BABAM2: variants seen among roughly 807,000 people sequenced by gnomAD.
BABAM2 encodes BRISC and BRCA1 A complex member 2, also known as BRISC and BRCA1-A complex member 2.
In BABAM2, 31 loss-of-function variants were observed where a neutral mutation model predicts 54.7. The ratio of observed to expected loss-of-function variants is 0.57; its 90% CI spans 0.43 to 0.77. The LOEUF is 0.77. Among genes scored for constraint, BABAM2 ranks in the 30% least tolerant of loss-of-function variants. The pLI, the probability that BABAM2 is intolerant of heterozygous loss-of-function variation, is 0.00. For synonymous variants in BABAM2, 167 were observed against 162.9 expected, an observed-to-expected ratio of 1.03 and a Z score of -0.19; for missense variants, 364 against 455.8, an observed-to-expected ratio of 0.80 and a Z score of 1.83.
chr2:28,179,586 TTCACCAGTCCTGG>T, intron 7 of BABAM2, among the ~76,000 whole-genome samples: 1 of 152,262 alleles, frequency 6.6e-6, no homozygotes, highest in South Asian at 2.1e-4. Flanking sequence ...GATGCACACT[TTCACCAGTCCTGG>T]TCAACATGGT....
intron 7 of BABAM2, among the ~76,000 whole-genome samples, chr2:28,180,744 G>T (rs935681536): frequency 6.6e-6 from 1 of 152,032 alleles, no homozygotes; most frequent in African/African-American, 2.4e-5. Flanking sequence ...TCCAAAATAT[G>T]CGAGGAACTC....
At chr2:28,250,450 G>A (rs193157239) in intron 10 of BABAM2, among the ~76,000 whole-genome samples, 2 of 148,968 alleles carry the variant, frequency 1.3e-5, no homozygotes, top group Admixed American at 1.4e-4. Flanking sequence ...GTAAAATATA[G>A]CAACATTGCT....
chr2:28,132,055 G>A (rs1206951314), intron 7 of BABAM2, among the ~76,000 whole-genome samples: 2 of 151,988 alleles, frequency 1.3e-5, no homozygotes, highest in African/African-American at 2.4e-5. Context: ...AATGATTAGG[G>A]AAGGGTATAT....
intron 4 of BABAM2, among the ~76,000 whole-genome samples, chr2:28,006,198 A>G (rs1673959789): frequency 2.0e-5 from 3 of 152,120 alleles, no homozygotes; most frequent in Admixed American, 6.5e-5. Flanking sequence ...TCTGTGGTAT[A>G]GTTTAACATG....
chr2:28,046,504 T>C (rs1047766415), intron 6 of BABAM2, among the ~76,000 whole-genome samples: 2 of 151,892 alleles, frequency 1.3e-5, no homozygotes, highest in Non-Finnish European at 2.9e-5. Context: ...ACAAAAAGAT[T>C]TGGCTGGCCT....
intron 6 of BABAM2, among the ~76,000 whole-genome samples, chr2:28,110,714 T>C (rs1667929505): frequency 6.6e-6 from 1 of 152,106 alleles, no homozygotes; most frequent in Admixed American, 6.6e-5. Flanking sequence ...TATTTTGGAG[T>C]ATCTATTCAG....
At chr2:28,086,776 C>G (rs1321727637) in intron 6 of BABAM2, among the ~76,000 whole-genome samples, 2 of 152,226 alleles carry the variant, frequency 1.3e-5, no homozygotes, top group African/African-American at 4.8e-5. Context: ...CGACAGTGCT[C>G]TTAAAAATCG....
At chr2:28,091,835 A>G (rs1666183890) in intron 6 of BABAM2, among the ~76,000 whole-genome samples, 1 of 152,220 alleles carries the variant, frequency 6.6e-6, no homozygotes, top group Admixed American at 6.5e-5. Context: ...TGCATATATA[A>G]TAATTTCTTG....
intron 2 of BABAM2, among the ~76,000 whole-genome samples, chr2:27,910,088 C>T (rs1666469274): frequency 6.6e-6 from 1 of 152,186 alleles, no homozygotes; most frequent in Admixed American, 6.5e-5. Context: ...TTGTTCTTTT[C>T]TGTATCAGAA....
chr2:28,010,134 A>G (rs1674285949), intron 4 of BABAM2, among the ~76,000 whole-genome samples: 1 of 152,068 alleles, frequency 6.6e-6, no homozygotes, highest in Non-Finnish European at 1.5e-5. Context: ...TTTCTCCTTT[A>G]TGTCCTTCAA....
intron 6 of BABAM2, among the ~76,000 whole-genome samples, chr2:28,105,940 C>CT (rs376801082): frequency 0.1 from 14,673 of 141,738 alleles, 970 homozygotes; most frequent in African/African-American, 0.19. Context: ...CAGCTCCTGT[C>CT]TTTTTTTTTT....
At chr2:28,181,190 G>T (rs1266462079) in intron 7 of BABAM2, among the ~76,000 whole-genome samples, 1 of 152,138 alleles carries the variant, frequency 6.6e-6, no homozygotes. Context: ...AAAAACAATT[G>T]CAGTACTATT....
In BABAM2 at chr2:28,226,210, A is replaced by G. The variant is rs115227676; in HGVS notation, c.681-10992A>G. ...TCAGCAGGAGAGCTAAGTAGCTGCA[A>G]TACAGGCATTATGGATGCAAAGATG... On this transcript the variant is annotated intron_variant, in intron 7 of 11. Coordinates refer to ENST00000379624, the MANE Select transcript of BABAM2 (RefSeq NM_199191.3). Among the ~76,000 whole-genome samples the G allele has an allele frequency of 7.2e-3, 1,098 of 152,326 alleles. 8 individuals are homozygous for G. Among genetic ancestry groups the G allele is most frequent in the African/African-American group, 0.025 (1,042 of 41,570 alleles).
At chr2:28,125,528 G>C (rs1028820167) in intron 6 of BABAM2, among the ~76,000 whole-genome samples, 3 of 151,998 alleles carry the variant, frequency 2.0e-5, no homozygotes, top group Non-Finnish European at 2.9e-5. Flanking sequence ...CCTGACCTCA[G>C]GTAATCCACC....
At chr2:27,953,644 CAA>C (rs751089037) in intron 3 of BABAM2, among the ~76,000 whole-genome samples, 5 of 136,812 alleles carry the variant, frequency 3.7e-5, no homozygotes, top group African/African-American at 5.4e-5. Flanking sequence ...ACGATCTCAC[CAA>C]AAAAAAAAAA....
At chr2:28,225,371 G>T (rs141509879) in intron 7 of BABAM2, among the ~76,000 whole-genome samples, 1 of 152,222 alleles carries the variant, frequency 6.6e-6, no homozygotes, top group Non-Finnish European at 1.5e-5. Flanking sequence ...AGCCCTGCAG[G>T]CATCAGAATC....
At chr2:28,266,997 A>G (rs1334477949) in intron 10 of BABAM2, among the ~76,000 whole-genome samples, 4 of 152,178 alleles carry the variant, frequency 2.6e-5, no homozygotes, top group African/African-American at 9.7e-5. Flanking sequence ...TTCTACTAAA[A>G]ATACAAAAAT....
At chr2:28,132,142 CTT>C (rs371766527) in intron 7 of BABAM2, among the ~76,000 whole-genome samples, 8 of 139,362 alleles carry the variant, frequency 5.7e-5, no homozygotes, top group Admixed American at 2.1e-4. Flanking sequence ...TCTTCTTCTT[CTT>C]TTTTTTTTTT....
chr2:28,271,994 T>C (rs1028163462), intron 10 of BABAM2, among the ~76,000 whole-genome samples: 2 of 152,216 alleles, frequency 1.3e-5, no homozygotes, highest in Non-Finnish European at 2.9e-5. Flanking sequence ...ATGTGGTAGA[T>C]ACAAATACAT....
Sources: allele counts gnomAD v4.1 joint callset (sites outside exome capture counted in the v4.1 genomes callset), GRCh38; gene constraint gnomAD v4.1.1; transcripts MANE v1.5; gene names NCBI Gene and HGNC (gene_info 2026-07-23, HGNC 2026-07-21).